Variants in UBE2K observed in about 807,000 individuals in gnomAD.
UBE2K encodes ubiquitin-conjugating enzyme E2 K.
In UBE2K, 6 loss-of-function variants were observed where a neutral mutation model predicts 30.0. That is an observed-to-expected ratio of 0.20 (90% CI 0.11 to 0.39). UBE2K has a LOEUF of 0.39. UBE2K is among the 10% of genes least tolerant of loss of function. The pLI, the probability that UBE2K is intolerant of heterozygous loss-of-function variation, is 1.00. For missense variants in UBE2K, 61 were observed against 241.6 expected, an observed-to-expected ratio of 0.25 and a Z score of 4.96; for synonymous variants, 86 against 83.7, an observed-to-expected ratio of 1.03 and a Z score of -0.15.
chr4:39,768,813 A>G (rs1339641686), intron 4 of UBE2K, among the ~76,000 whole-genome samples: 2 of 152,174 alleles, frequency 1.3e-5, no homozygotes, highest in Admixed American at 6.5e-5. Context: ...TTGTTTTTAT[A>G]GTAGCCGTTC....
chr4:39,723,753 C>G (rs1291685308), intron 1 of UBE2K, among the ~76,000 whole-genome samples: 1 of 152,160 alleles, frequency 6.6e-6, no homozygotes, highest in Non-Finnish European at 1.5e-5. Flanking sequence ...AAAATAATAA[C>G]ATTTAAAATA....
chr4:39,748,031 A>G (rs1721070447), intron 3 of UBE2K, among the ~76,000 whole-genome samples: 1 of 151,244 alleles, frequency 6.6e-6, no homozygotes, highest in Admixed American at 6.6e-5. Context: ...TGAACTACTG[A>G]CTCCATCTGA....
chr4:39,766,603 G>T (rs1397574248), intron 4 of UBE2K, among the ~76,000 whole-genome samples: 1 of 152,124 alleles, frequency 6.6e-6, no homozygotes, highest in South Asian at 2.1e-4. Flanking sequence ...AAGTAGTGGG[G>T]TCTTGCTGTG....
chr4:39,753,453 CG>C (rs1721374361), intron 3 of UBE2K, among the ~76,000 whole-genome samples: 1 of 152,048 alleles, frequency 6.6e-6, no homozygotes, highest in African/African-American at 2.4e-5. Flanking sequence ...ACATTTTTGC[CG>C]TAATATTAAG....
At position 39,727,375 on chromosome 4, in the gene UBE2K, C is replaced by T. The variant is rs77358990; in HGVS notation, c.64-10045C>T. On this transcript the variant is annotated intron_variant, in intron 1 of 6. Transcript: ENST00000261427. ...TCTTAAAGGTTTCTTATGGGGGGAG[C>T]GCTGAGACAGGATACACCACAGTCA... Among the ~76,000 whole-genome samples, 1,060 of 152,094 alleles carry T rather than the reference C, an allele frequency of 7.0e-3. 14 individuals carry two copies. The highest frequency in any genetic ancestry group is 0.024 in the African/African-American group (1,001 of 41,476).
intron 1 of UBE2K, 90 bp downstream of exon 1, chr4:39,698,480 G>T: frequency 7.8e-7 from 1 of 1,282,786 alleles, no homozygotes; most frequent in East Asian, 2.5e-5. Context: ...GTAGTCCCTG[G>T]GTGGTCCTCC....
intron 4 of UBE2K, among the ~76,000 whole-genome samples, chr4:39,774,234 G>A (rs143128375): frequency 0.018 from 2,739 of 152,126 alleles, 29 homozygotes; most frequent in Middle Eastern, 0.058. Flanking sequence ...AGCCCAGGAG[G>A]CGGAGGTTGC....
intron 1 of UBE2K, among the ~76,000 whole-genome samples, chr4:39,725,138 T>C (rs1560350429): frequency 1.3e-5 from 2 of 152,136 alleles, no homozygotes; most frequent in Non-Finnish European, 2.9e-5. Context: ...CCCAGCACTT[T>C]GGGAGTCCAA....
chr4:39,719,252 C>T (rs920335746), intron 1 of UBE2K, among the ~76,000 whole-genome samples: 6 of 152,214 alleles, frequency 3.9e-5, no homozygotes, highest in Non-Finnish European at 8.8e-5. Flanking sequence ...ACCTACTTGT[C>T]CTAAAATACC....
chr4:39,767,974 T>C (rs1712458659), intron 4 of UBE2K, among the ~76,000 whole-genome samples: 1 of 152,150 alleles, frequency 6.6e-6, no homozygotes, highest in Non-Finnish European at 1.5e-5. Context: ...GTATATTTCA[T>C]TGGTTATATT....
In UBE2K at chr4:39,782,571, C is replaced by T. The variant is rs1346542304; in HGVS notation, c.*4137C>T. On this transcript the variant is annotated 3_prime_UTR_variant, in exon 7 of 7. Coordinates refer to ENST00000261427, the MANE Select transcript of UBE2K (RefSeq NM_005339.5). ...AGGAGGGTCTATTCTGAGCCGTTAACTTCCTGTAAGGGGAAAATGGGTGGG... is the reference window on the plus strand; with the variant it reads ...AGGAGGGTCTATTCTGAGCCGTTAATTTCCTGTAAGGGGAAAATGGGTGGG... 1 of 152,024 alleles carries T rather than the reference C, an allele frequency of 6.6e-6. No homozygotes were observed. Among genetic ancestry groups the T allele is most frequent in the African/African-American group, 2.4e-5 (1 of 41,392 alleles). The allele number at this position is 152,024 out of a possible 1,614,324, so 9.4% of individuals were successfully genotyped here. A position where few individuals can be genotyped will look rare whatever the true frequency, so the allele number is the denominator to read the frequency against.
At chr4:39,714,381 G>T in intron 1 of UBE2K, 2 of 171,510 alleles carry the variant, frequency 1.2e-5, no homozygotes. Context: ...TCAGAATAGG[G>T]CTCCTGGGAC....
Position 39,778,383 on chromosome 4 carries a change from T to G in UBE2K, c.552T>G (p.Ser184=), listed in dbSNP as rs958803484. ...AGAATGCAGTAATAGTGGCCTTGTC[T>G]TCAAAATCATGGGATGTAGAGACTG... ...FDRNAVIVAL[S]SKSWDVETAT... The change falls in exon 7 of 7, where the codon TCT becomes TCG. Residue 184 remains serine, a synonymous_variant. Coordinates refer to ENST00000261427, the MANE Select transcript of UBE2K (RefSeq NM_005339.5). 10 of 1,612,840 alleles carry G rather than the reference T, an allele frequency of 6.2e-6. No individual in the cohort carries two copies. In the African/African-American group the frequency reaches 9.3e-5, roughly 15 times the overall value.
chr4:39,760,305 T>C (rs1364649912), intron 4 of UBE2K, among the ~76,000 whole-genome samples: 2 of 151,572 alleles, frequency 1.3e-5, no homozygotes, highest in Non-Finnish European at 2.9e-5. Context: ...CCTAGGTATA[T>C]ATCTAAAAGA....
intron 1 of UBE2K, among the ~76,000 whole-genome samples, chr4:39,709,277 A>G (rs1447517890): frequency 2.6e-5 from 4 of 152,046 alleles, no homozygotes; most frequent in Admixed American, 6.6e-5. Flanking sequence ...GTATTGTTCA[A>G]TGGTTTAGTG....
Position 39,778,664 on chromosome 4 carries a change from G to T in UBE2K, c.*230G>T. Reference sequence around the variant, plus strand: ...AATACTTTAATTTTTTTTCTTAATAGTGTAAAAATTCCCTGAGCTAAGCTA... The same window carrying T: ...AATACTTTAATTTTTTTTCTTAATATTGTAAAAATTCCCTGAGCTAAGCTA... On this transcript the variant is annotated 3_prime_UTR_variant, in exon 7 of 7. Transcript: ENST00000261427. 1 of 375,166 alleles carries T rather than the reference G, an allele frequency of 2.7e-6. No individual in the cohort carries two copies. The highest frequency in any genetic ancestry group is 4.8e-6 in the Non-Finnish European group (1 of 207,822). The allele number at this position is 375,166 out of a possible 1,614,324, so 23.2% of individuals were successfully genotyped here.
At chr4:39,764,889 A>ATTT (rs11407158) in intron 4 of UBE2K, among the ~76,000 whole-genome samples, 9 of 147,542 alleles carry the variant, frequency 6.1e-5, no homozygotes, top group Admixed American at 5.4e-4. Flanking sequence ...GAACTTATTA[A>ATTT]TTTTTTTTTT....
At chr4:39,710,416 C>T (rs562985134) in intron 1 of UBE2K, among the ~76,000 whole-genome samples, 1 of 151,870 alleles carries the variant, frequency 6.6e-6, no homozygotes, top group South Asian at 2.1e-4. Context: ...GTAGCTACCA[C>T]ACCTGGCTAA....
At chr4:39,702,445 G>C (rs1266084708) in intron 1 of UBE2K, among the ~76,000 whole-genome samples, 1 of 150,980 alleles carries the variant, frequency 6.6e-6, no homozygotes, top group Non-Finnish European at 1.5e-5. Flanking sequence ...GTAGAGGCGA[G>C]GTTTCTCCAT....
Sources: gnomAD v4.1 joint callset for allele counts (sites outside exome capture counted in the v4.1 genomes callset) on GRCh38, gnomAD v4.1.1 for gene constraint, MANE v1.5 for transcripts, NCBI Gene and HGNC (gene_info 2026-07-23, HGNC 2026-07-21) for gene names.